The following MARCHF1 variants were observed in gnomAD, a reference collection of about 807,000 sequenced individuals.
MARCHF1 encodes E3 ubiquitin-protein ligase MARCHF1.
In MARCHF1, 40 loss-of-function variants were observed where a neutral mutation model predicts 54.2. The ratio of observed to expected loss-of-function variants is 0.74; its 90% CI spans 0.57 to 0.96. The LOEUF is 0.96. MARCHF1 is among the 40% of genes least tolerant of loss of function. MARCHF1 has a pLI of 0.00. For synonymous variants in MARCHF1, 236 were observed against 236.3 expected (o/e 1.00, Z 0.01); for missense variants, 586 against 656.5 (o/e 0.89, Z 1.17).
At chr4:163,773,433 C>T (rs1033013769) in intron 4 of MARCHF1, among the ~76,000 whole-genome samples, 6 of 152,134 alleles carry the variant, frequency 3.9e-5, no homozygotes, top group African/African-American at 1.4e-4. Flanking sequence ...ATGGATGATA[C>T]CACTGAATTA....
At chr4:163,986,636 G>A (rs536366823) in intron 3 of MARCHF1, among the ~76,000 whole-genome samples, 2 of 152,042 alleles carry the variant, frequency 1.3e-5, no homozygotes, top group Non-Finnish European at 2.9e-5. Context: ...GACCCTGAAA[G>A]AAACAAAGCT....
intron 8 of MARCHF1, among the ~76,000 whole-genome samples, chr4:163,560,176 C>T (rs569510799): frequency 6.6e-6 from 1 of 152,206 alleles, no homozygotes; most frequent in South Asian, 2.1e-4. Flanking sequence ...TTTTCTCCTT[C>T]GTTTTCTTGT....
At chr4:163,554,965 C>A (rs1022348185) in intron 8 of MARCHF1, among the ~76,000 whole-genome samples, 1 of 151,956 alleles carries the variant, frequency 6.6e-6, no homozygotes, top group Non-Finnish European at 1.5e-5. Context: ...TGGTTTCTTT[C>A]AAGATTTTCA....
chr4:164,068,546 C>A (rs534735929), intron 2 of MARCHF1, among the ~76,000 whole-genome samples: 2 of 152,212 alleles, frequency 1.3e-5, no homozygotes, highest in African/African-American at 4.8e-5. Context: ...CCTGGGCCAG[C>A]AGCTGCTGTG....
At chr4:163,603,762 G>A (rs1741053511) in intron 7 of MARCHF1, among the ~76,000 whole-genome samples, 1 of 151,422 alleles carries the variant, frequency 6.6e-6, no homozygotes, top group Non-Finnish European at 1.5e-5. Flanking sequence ...TACTTGTATT[G>A]CAAAAAAAAG....
chr4:163,659,618 C>A (rs768442279), intron 5 of MARCHF1, among the ~76,000 whole-genome samples: 1 of 151,956 alleles, frequency 6.6e-6, no homozygotes, highest in Non-Finnish European at 1.5e-5. Context: ...GAACAGGCAA[C>A]CTACAGAATG....
At chr4:164,317,841 T>A (rs1414105908) in intron 1 of MARCHF1, among the ~76,000 whole-genome samples, 2 of 152,198 alleles carry the variant, frequency 1.3e-5, no homozygotes, top group Non-Finnish European at 2.9e-5. Context: ...GCTGAGGGCC[T>A]ACTAAACATG....
chr4:163,918,793 A>G (rs1472177159), intron 3 of MARCHF1, among the ~76,000 whole-genome samples: 4 of 152,112 alleles, frequency 2.6e-5, no homozygotes, highest in Non-Finnish European at 5.9e-5. Flanking sequence ...TAGGAGCAAA[A>G]AAAATGCATT....
chr4:163,868,069 A>AT (rs1750093242), intron 3 of MARCHF1, among the ~76,000 whole-genome samples: 1 of 151,814 alleles, frequency 6.6e-6, no homozygotes, highest in South Asian at 2.1e-4. Context: ...TTAGTTGTTA[A>AT]TTTTCTGCCT....
chr4:163,979,413 G>T (rs1752716416), intron 3 of MARCHF1, among the ~76,000 whole-genome samples: 10 of 145,244 alleles, frequency 6.9e-5, no homozygotes, highest in African/African-American at 2.3e-4. Context: ...TCTTAATCCA[G>T]TCTATCATTG....
intron 1 of MARCHF1, among the ~76,000 whole-genome samples, chr4:164,195,626 G>C (rs749031152): frequency 6.6e-6 from 1 of 151,888 alleles, no homozygotes; most frequent in Admixed American, 6.6e-5. Flanking sequence ...ATTTAAACCC[G>C]GATAGTCTCA....
At chr4:164,273,473 C>A (rs1378413772) in intron 1 of MARCHF1, among the ~76,000 whole-genome samples, 3 of 152,030 alleles carry the variant, frequency 2.0e-5, no homozygotes, top group Non-Finnish European at 4.4e-5. Flanking sequence ...CTAACCATAT[C>A]AGTAGGCATG....
At chr4:163,655,663 A>T (rs940438049) in intron 5 of MARCHF1, among the ~76,000 whole-genome samples, 1 of 151,838 alleles carries the variant, frequency 6.6e-6, no homozygotes, top group Admixed American at 6.6e-5. Context: ...GAAGCAAAAC[A>T]CTCCTCAGCA....
chr4:164,367,420 T>A (rs915933356), intron 1 of MARCHF1, among the ~76,000 whole-genome samples: 2 of 152,110 alleles, frequency 1.3e-5, no homozygotes, highest in Non-Finnish European at 2.9e-5. Context: ...CACTTGAACA[T>A]CTATTGAAAA....
rs956464259 is a variant in MARCHF1 at position 164,325,587 on chromosome 4, TG to T, written c.-323+58282del. ...ACACAAGAAGACTCATTCCAAAACC[TG>T]AGATTACAAATACAAATAAGACCTT... On this transcript the variant is annotated intron_variant, in intron 1 of 9. Transcript: ENST00000514618. Among the ~76,000 whole-genome samples, 18 of 151,736 alleles carry T rather than the reference TG, an allele frequency of 1.2e-4. 1 individual carries two copies. Among genetic ancestry groups the T allele is most frequent in the Admixed American group, 3.3e-4 (5 of 15,190 alleles).
intron 3 of MARCHF1, among the ~76,000 whole-genome samples, chr4:163,924,493 G>T (rs950255165): frequency 6.6e-6 from 1 of 151,946 alleles, no homozygotes; most frequent in Non-Finnish European, 1.5e-5. Context: ...TAGTAACAAA[G>T]GTAAAGGCTA....
chr4:164,019,559 C>G lies in MARCHF1; in HGVS notation c.-247-30850G>C, dbSNP rs189758007. Among the ~76,000 whole-genome samples the G allele has an allele frequency of 1.0e-3, 154 of 152,278 alleles. 2 individuals are homozygous for G. The highest frequency in any genetic ancestry group is 3.6e-3 in the African/African-American group (149 of 41,562). ...TAGCATCACAATTTTCAATTTCTCA[C>G]TAGAATGACGTGAAATTAATTACTG... On this transcript the variant is annotated intron_variant, in intron 2 of 9. Coordinates refer to ENST00000514618, the MANE Select transcript of MARCHF1 (RefSeq NM_001394959.1).
At chr4:163,912,068 T>TGG (rs1560816319) in intron 3 of MARCHF1, among the ~76,000 whole-genome samples, 9 of 130,866 alleles carry the variant, frequency 6.9e-5, no homozygotes, top group African/African-American at 1.1e-4. Context: ...ATGCAGGGTT[T>TGG]TTTTTTTTTT....
At chr4:164,136,535 G>A (rs924008458) in intron 1 of MARCHF1, among the ~76,000 whole-genome samples, 1 of 152,166 alleles carries the variant, frequency 6.6e-6, no homozygotes, top group Non-Finnish European at 1.5e-5. Context: ...GATTGGCTGG[G>A]AGCAGGGAAG....
Sources: gnomAD v4.1 joint callset for allele counts (sites outside exome capture counted in the v4.1 genomes callset) on GRCh38, gnomAD v4.1.1 for gene constraint, MANE v1.5 for transcripts, NCBI Gene and HGNC (gene_info 2026-07-23, HGNC 2026-07-21) for gene names.